Variants in PRH1 observed in about 807,000 individuals in gnomAD.
The protein encoded by PRH1 is proline rich protein HaeIII subfamily 1.
A neutral mutation model predicts 7.9 loss-of-function variants in PRH1; 7 were observed. That is an observed-to-expected ratio of 0.89 (90% CI 0.50 to 1.67). PRH1 has a LOEUF of 1.67. Ranked by LOEUF, PRH1 falls within the 40% of genes most tolerant of loss-of-function variation. The pLI is 0.00. For synonymous variants in PRH1, 45 were observed against 80.8 expected (o/e 0.56, Z 2.38); for missense variants, 109 against 223.6 (o/e 0.49, Z 3.27).
chr12:10,908,989 T>A, intron 2 of PRH1: 2 of 1,613,744 alleles, frequency 1.2e-6, no homozygotes, highest in Non-Finnish European at 1.7e-6. Context: ...TAAAAGATGC[T>A]GAAGATTGTA....
At chr12:11,087,463 A>T (rs1944745601) in intron 1 of PRH1, among the ~76,000 whole-genome samples, 1 of 116,086 alleles carries the variant, frequency 8.6e-6, no homozygotes, top group Admixed American at 8.6e-5. Flanking sequence ...AGGTGGAGCT[A>T]ATCAGTTTGT....
intron 1 of PRH1, among the ~76,000 whole-genome samples, chr12:11,145,124 G>A (rs543541299): frequency 7.4e-4 from 112 of 152,256 alleles, no homozygotes; most frequent in African/African-American, 2.5e-3. Flanking sequence ...ACAATCCCCC[G>A]AAACTCTGTA....
chr12:10,974,419 C>G (rs1246786831), intron 1 of PRH1, among the ~76,000 whole-genome samples: 1 of 152,152 alleles, frequency 6.6e-6, no homozygotes, highest in Non-Finnish European at 1.5e-5. Context: ...AACACAATAG[C>G]CCTTCCAGCA....
chr12:10,945,358 G>A (rs956302245), intron 2 of PRH1, among the ~76,000 whole-genome samples: 2 of 152,142 alleles, frequency 1.3e-5, no homozygotes, highest in Non-Finnish European at 2.9e-5. Flanking sequence ...GCCAGTCTGA[G>A]AAATAAAAAG....
intron 1 of PRH1, chr12:11,092,031 A>G: frequency 6.7e-7 from 1 of 1,487,268 alleles, no homozygotes; most frequent in Non-Finnish European, 9.3e-7. Context: ...ACAGTTGAAT[A>G]CCAGTTTAAT....
chr12:11,158,925 T>A (rs548481686), intron 1 of PRH1: 1 of 152,120 alleles, frequency 6.6e-6, no homozygotes, highest in African/African-American at 2.4e-5. Context: ...ATAAACGTCA[T>A]GACCTGATAA....
intron 1 of PRH1, among the ~76,000 whole-genome samples, chr12:11,055,208 ATTGT>A (rs1276203036): frequency 2.0e-5 from 3 of 151,992 alleles, no homozygotes; most frequent in Non-Finnish European, 4.4e-5. Context: ...AACTTTCAGC[ATTGT>A]TTAACAACTA....
chr12:10,952,299 G>A (rs994959453), intron 2 of PRH1, among the ~76,000 whole-genome samples: 1 of 152,096 alleles, frequency 6.6e-6, no homozygotes, highest in East Asian at 1.9e-4. Context: ...ATTCATCAAA[G>A]AGCTTGCAAG....
At chr12:10,987,149 G>T (rs886617581) in intron 1 of PRH1, among the ~76,000 whole-genome samples, 1 of 152,064 alleles carries the variant, frequency 6.6e-6, no homozygotes, top group Non-Finnish European at 1.5e-5. Flanking sequence ...TAATGAAGTT[G>T]AAGTGAAACC....
chr12:10,974,498 C>T (rs191960247), intron 1 of PRH1, among the ~76,000 whole-genome samples: 6 of 152,234 alleles, frequency 3.9e-5, no homozygotes, highest in South Asian at 2.1e-4. Flanking sequence ...CCCAGAGTTA[C>T]GGCATTCAGC....
At chr12:11,029,190 A>T (rs1942061415) in intron 1 of PRH1, among the ~76,000 whole-genome samples, 1 of 152,288 alleles carries the variant, frequency 6.6e-6, no homozygotes, top group South Asian at 2.1e-4. Flanking sequence ...AAATTTCATA[A>T]CACCAAGAAT....
chr12:10,991,596 A>G (rs1317492183), intron 1 of PRH1, among the ~76,000 whole-genome samples: 1 of 152,182 alleles, frequency 6.6e-6, no homozygotes, highest in African/African-American at 2.4e-5. Flanking sequence ...ATGTATATAA[A>G]TAAATAACAT....
chr12:10,890,051 G>T (rs1163874357), intron 2 of PRH1, among the ~76,000 whole-genome samples: 4 of 152,074 alleles, frequency 2.6e-5, no homozygotes, highest in African/African-American at 2.4e-5. Flanking sequence ...GATTTTTTGT[G>T]AGTTGTTTTG....
intron 1 of PRH1, among the ~76,000 whole-genome samples, chr12:11,054,673 T>G (rs201556431): frequency 8.9e-4 from 26 of 29,272 alleles, no homozygotes; most frequent in African/African-American, 1.6e-3. Flanking sequence ...AATATCTATA[T>G]TACTATAATT....
chr12:10,986,899 A>C (rs756350870), intron 1 of PRH1: 1 of 1,391,880 alleles, frequency 7.2e-7, no homozygotes, highest in South Asian at 1.6e-5. Context: ...CAAGCCTAAT[A>C]TCACTGGTTG....
At chr12:11,038,014 C>T (rs1942515184) in intron 1 of PRH1, among the ~76,000 whole-genome samples, 2 of 152,344 alleles carry the variant, frequency 1.3e-5, no homozygotes, top group South Asian at 4.1e-4. Flanking sequence ...TGCACTCCAG[C>T]CTGGGCAACA....
chr12:11,116,144 C>T (rs1312748758), downstream of PRH1, among the ~76,000 whole-genome samples: 1 of 151,736 alleles, frequency 6.6e-6, no homozygotes, highest in Non-Finnish European at 1.5e-5. Context: ...CATTGACAAA[C>T]GTTCAGGCCG....
chr12:11,103,985 G>A (rs61912112), intron 1 of PRH1, among the ~76,000 whole-genome samples: 33,871 of 151,460 alleles, frequency 0.22, 3,817 homozygotes, highest in Non-Finnish European at 0.24. Context: ...ATAATCACAC[G>A]TGTTTAGATG....
intron 2 of PRH1, among the ~76,000 whole-genome samples, chr12:10,952,752 C>T (rs568851359): frequency 7.9e-5 from 12 of 152,290 alleles, no homozygotes; most frequent in African/African-American, 2.6e-4. Flanking sequence ...TAGGCTACTG[C>T]CAATGCCCGC....
Sources: allele counts gnomAD v4.1 joint callset (sites outside exome capture counted in the v4.1 genomes callset), GRCh38; gene constraint gnomAD v4.1.1; transcripts MANE v1.5; gene names NCBI Gene and HGNC (gene_info 2026-07-23, HGNC 2026-07-21).